CACNA1C: variants seen among roughly 807,000 people sequenced by gnomAD.
CACNA1C encodes voltage-dependent L-type calcium channel subunit alpha-1C.
A neutral mutation model predicts 229.0 loss-of-function variants in CACNA1C; 30 were observed. That is an observed-to-expected ratio of 0.13 (90% CI 0.10 to 0.18). CACNA1C has a LOEUF of 0.18. CACNA1C is among the 10% of genes least tolerant of loss of function. The pLI, the probability that CACNA1C is intolerant of heterozygous loss-of-function variation, is 1.00. For missense variants in CACNA1C, 1,658 were observed against 2,845.0 expected, an observed-to-expected ratio of 0.58 and a Z score of 9.49; for synonymous variants, 1,114 against 1,132.5, an observed-to-expected ratio of 0.98 and a Z score of 0.33.
intron 3 of CACNA1C, among the ~76,000 whole-genome samples, chr12:2,333,469 G>C (rs990419008): frequency 1.3e-5 from 2 of 152,194 alleles, no homozygotes; most frequent in African/African-American, 4.8e-5. Context: ...TAAATAACAA[G>C]CATCCTTCCT....
intron 3 of CACNA1C, among the ~76,000 whole-genome samples, chr12:2,273,520 G>T (rs1426659557): frequency 6.6e-6 from 1 of 152,132 alleles, no homozygotes; most frequent in African/African-American, 2.4e-5. Flanking sequence ...CAGGCTGCTG[G>T]GTTAGGACCA....
At chr12:2,257,635 G>A (rs74059820) in intron 3 of CACNA1C, among the ~76,000 whole-genome samples, 2,131 of 152,324 alleles carry the variant, frequency 0.014, 60 homozygotes, top group African/African-American at 0.048. Flanking sequence ...GCCATGGACC[G>A]GTACCTGGGG....
chr12:2,398,457 T>C (rs916437203), intron 3 of CACNA1C, among the ~76,000 whole-genome samples: 10 of 152,242 alleles, frequency 6.6e-5, no homozygotes, highest in African/African-American at 2.2e-4. Context: ...TGGGTGGTGC[T>C]GAGTCGGGCA....
In CACNA1C at chr12:2,601,975, C is replaced by T. The variant is rs769108641; in HGVS notation, c.2960+15C>T. On this transcript the variant is annotated intron_variant, in intron 22 of 46. Transcript: ENST00000399655. The surrounding 1 kb of genome is among the most constrained non-coding windows in gnomAD (Gnocchi z 5.9). ...TTTGGCATCCAGTGAGTGGGAGCCC[C>T]TCAGCCCACGATGGGCCATGCAGCT... The T allele has an allele frequency of 2.3e-5, 35 of 1,535,386 alleles. No homozygotes were observed. The highest frequency in any genetic ancestry group is 3.3e-5 in the Admixed American group (2 of 59,892).
At chr12:2,509,646 C>T (rs1020943613) in intron 8 of CACNA1C, among the ~76,000 whole-genome samples, 4 of 152,136 alleles carry the variant, frequency 2.6e-5, no homozygotes, top group African/African-American at 4.8e-5. Context: ...AGCCCTCCTA[C>T]GCATAGTGAC....
chr12:2,442,098 A>G (rs1249138590), intron 3 of CACNA1C, among the ~76,000 whole-genome samples: 2 of 152,202 alleles, frequency 1.3e-5, no homozygotes, highest in Non-Finnish European at 2.9e-5. Context: ...TATTACCATC[A>G]TTCAAAGACT....
At chr12:2,001,536 G>A (rs1035232528) in intron 1 of CACNA1C, among the ~76,000 whole-genome samples, 4 of 152,082 alleles carry the variant, frequency 2.6e-5, no homozygotes, top group Admixed American at 6.5e-5. Flanking sequence ...CTAGCTCAAC[G>A]CAATCTCTAT....
At chr12:2,251,108 A>G (rs1308800356) in intron 3 of CACNA1C, among the ~76,000 whole-genome samples, 2 of 152,234 alleles carry the variant, frequency 1.3e-5, no homozygotes, top group Non-Finnish European at 2.9e-5. Flanking sequence ...GCTCATATGA[A>G]TACTTCTTGA....
At chr12:2,201,799 G>A (rs1044783080) in intron 3 of CACNA1C, among the ~76,000 whole-genome samples, 2 of 152,160 alleles carry the variant, frequency 1.3e-5, no homozygotes, top group African/African-American at 4.8e-5. Context: ...AGCAGACTCC[G>A]CCATGCTTCA....
intron 3 of CACNA1C, among the ~76,000 whole-genome samples, chr12:2,355,473 G>A (rs2097334824): frequency 6.6e-6 from 1 of 152,134 alleles, no homozygotes; most frequent in African/African-American, 2.4e-5. Context: ...GTTATGCCAA[G>A]TCCCTTGACA....
chr12:2,377,090 G>A (rs576450984), intron 3 of CACNA1C, among the ~76,000 whole-genome samples: 22 of 152,270 alleles, frequency 1.4e-4, no homozygotes, highest in African/African-American at 4.3e-4. Flanking sequence ...CCCAGCTGGC[G>A]TGGTATTTGA....
At chr12:2,631,378 C>T (rs1330783622) in intron 29 of CACNA1C, among the ~76,000 whole-genome samples, 1 of 152,198 alleles carries the variant, frequency 6.6e-6, no homozygotes, top group Non-Finnish European at 1.5e-5. Context: ...CCCTTCTCTT[C>T]CTTGACTTCC....
intron 3 of CACNA1C, among the ~76,000 whole-genome samples, chr12:2,126,336 C>T (rs888735154): frequency 2.0e-5 from 3 of 152,160 alleles, no homozygotes; most frequent in African/African-American, 7.2e-5. Flanking sequence ...TGCAGCACAT[C>T]GTTTATAATA....
intron 3 of CACNA1C, among the ~76,000 whole-genome samples, chr12:2,272,409 C>G (rs1420848000): frequency 6.6e-6 from 1 of 152,186 alleles, no homozygotes; most frequent in Non-Finnish European, 1.5e-5. Context: ...TCCTGCTTCC[C>G]CGGCTGGTGT....
chr12:2,513,228 G>T (rs554261499), intron 9 of CACNA1C, among the ~76,000 whole-genome samples: 1 of 152,232 alleles, frequency 6.6e-6, no homozygotes, highest in East Asian at 1.9e-4. Context: ...TTGAAAGACT[G>T]TTGAGATTTT....
At chr12:2,569,196 C>G (rs2052974319) in intron 13 of CACNA1C, among the ~76,000 whole-genome samples, 1 of 152,192 alleles carries the variant, frequency 6.6e-6, no homozygotes, top group South Asian at 2.1e-4. Context: ...ACTCTCAAGA[C>G]AAGGACAGGG....
chr12:2,544,249 T>C (rs891684193), intron 9 of CACNA1C, among the ~76,000 whole-genome samples: 1 of 152,156 alleles, frequency 6.6e-6, no homozygotes, highest in African/African-American at 2.4e-5. Context: ...AAAATAGGCA[T>C]GGCCCTTTTC....
In CACNA1C at chr12:2,694,282, C is replaced by T. The variant is rs1387662832; in HGVS notation, c.*3083C>T. On this transcript the variant is annotated 3_prime_UTR_variant, in exon 47 of 47. Transcript: ENST00000399655. ...TCTTCCAAGTGATGTCTACTCTCCA[C>T]CTAAAATGGAATTTTCCCCATGACC... 3 of 152,262 alleles carry T rather than the reference C, an allele frequency of 2.0e-5. No homozygotes were observed. The highest frequency in any genetic ancestry group is 7.2e-5 in the African/African-American group (3 of 41,462). 9.4% of individuals were successfully genotyped at this position (152,262 alleles called of 1,614,324 possible).
chr12:2,577,048 C>G (rs2058666724), intron 13 of CACNA1C, among the ~76,000 whole-genome samples: 1 of 152,252 alleles, frequency 6.6e-6, no homozygotes, highest in Non-Finnish European at 1.5e-5. Flanking sequence ...AGGCCCTGGG[C>G]AGCAGCCTGC....
Sources: allele counts gnomAD v4.1 joint callset (sites outside exome capture counted in the v4.1 genomes callset), GRCh38; gene constraint gnomAD v4.1.1; non-coding constraint Gnocchi (gnomAD v3.1); transcripts MANE v1.5; gene names NCBI Gene and HGNC (gene_info 2026-07-23, HGNC 2026-07-21).